SPTBN1: variants seen among roughly 807,000 people sequenced by gnomAD.
SPTBN1 encodes spectrin beta chain, non-erythrocytic 1.
Under a neutral mutation model 266.4 loss-of-function variants are expected in SPTBN1, and 32 were observed. The observed-to-expected ratio is 0.12, with a 90% confidence interval of 0.09 to 0.16. SPTBN1 has a LOEUF of 0.16. Among genes scored for constraint, SPTBN1 ranks in the 10% least tolerant of loss-of-function variants. SPTBN1 has a pLI of 1.00. For missense variants in SPTBN1, 2,296 were observed against 3,067.1 expected (o/e 0.75, Z 5.94); for synonymous variants, 1,336 against 1,162.2 (o/e 1.15, Z -3.04).
At chr2:54,630,200 T>C (rs1678640262) in intron 15 of SPTBN1, among the ~76,000 whole-genome samples, 171 bp downstream of exon 15, 1 of 152,208 alleles carries the variant, frequency 6.6e-6, no homozygotes, top group South Asian at 2.1e-4. Context: ...TTGTAAGAAG[T>C]GTCTCTCAGG....
chr2:54,576,303 C>A (rs1445055631), intron 2 of SPTBN1, among the ~76,000 whole-genome samples: 1 of 152,056 alleles, frequency 6.6e-6, no homozygotes, highest in Non-Finnish European at 1.5e-5. Flanking sequence ...ATCCACCCAC[C>A]TCGGCCTCCC....
chr2:54,565,196 G>A (rs922787964), intron 2 of SPTBN1, among the ~76,000 whole-genome samples: 1 of 152,184 alleles, frequency 6.6e-6, no homozygotes, highest in African/African-American at 2.4e-5. Flanking sequence ...GTCCCTTATT[G>A]GATCATTTGT....
intron 1 of SPTBN1, among the ~76,000 whole-genome samples, chr2:54,461,206 A>G (rs754411475): frequency 2.0e-4 from 30 of 152,178 alleles, no homozygotes; most frequent in Non-Finnish European, 4.3e-4. Flanking sequence ...TATCAACAAA[A>G]TTATACTTTA....
intron 18 of SPTBN1, among the ~76,000 whole-genome samples, chr2:54,642,241 C>A (rs984295676): frequency 6.6e-6 from 1 of 152,222 alleles, no homozygotes; most frequent in African/African-American, 2.4e-5. Context: ...TAAGAGAGCT[C>A]CTTTCTCAGG....
intron 32 of SPTBN1, chr2:54,661,061 G>A (rs1283636202): frequency 2.0e-6 from 2 of 985,446 alleles, no homozygotes; most frequent in African/African-American, 3.5e-5. Flanking sequence ...CCTGGCTTCA[G>A]AAGTCATGTC....
At chr2:54,648,950 A>T in intron 24 of SPTBN1, 36 bp from the exon 25 acceptor site, 2 of 1,524,224 alleles carry the variant, frequency 1.3e-6, no homozygotes, top group Non-Finnish European at 1.8e-6. Context: ...GACATTTAAG[A>T]TCCTTTTTCT....
chr2:54,468,075 G>A (rs912188661), intron 1 of SPTBN1, among the ~76,000 whole-genome samples: 1 of 152,186 alleles, frequency 6.6e-6, no homozygotes, highest in African/African-American at 2.4e-5. Context: ...TTGGGAGGCC[G>A]AGGCGGGCAG....
chr2:54,664,356 G>A lies in SPTBN1; in HGVS notation c.6421-97G>A. On this transcript the variant is annotated intron_variant, in intron 32 of 35. Coordinates refer to ENST00000356805, the MANE Select transcript of SPTBN1 (RefSeq NM_003128.3). This position sits in a 1 kb window ranked among gnomAD's most constrained non-coding sequence, Gnocchi z 5.6. ...ACTGTACTGCCTCGATCTGTGCCAG[G>A]CATTTATACACAGCCACATGTGCGA... 3 of 1,244,302 alleles carry A rather than the reference G, an allele frequency of 2.4e-6. No individual in the cohort carries two copies. The highest frequency in any genetic ancestry group is 2.3e-5 in the East Asian group (1 of 42,648). 77.1% of individuals were successfully genotyped at this position (1,244,302 alleles called of 1,614,324 possible).
intron 2 of SPTBN1, among the ~76,000 whole-genome samples, chr2:54,538,810 A>G (rs190681027): frequency 2.2e-4 from 34 of 152,346 alleles, no homozygotes; most frequent in African/African-American, 7.7e-4. Flanking sequence ...TCGCCTTATT[A>G]GTCACAAGAT....
chr2:54,668,329 C>T, intron 35 of SPTBN1, 22 bp from the exon 36 acceptor site: 1 of 1,612,016 alleles, frequency 6.2e-7, no homozygotes. Context: ...TGAGTCTCAC[C>T]TGTGTCCCTT....
At chr2:54,599,349 T>C in intron 3 of SPTBN1, 106 bp downstream of exon 3, 11 of 1,362,674 alleles carry the variant, frequency 8.1e-6, no homozygotes, top group Non-Finnish European at 1.1e-5. Flanking sequence ...TGGTTGATAG[T>C]TTTGAGGAGA....
At chr2:54,607,068 CTT>C (rs1676890381) in intron 3 of SPTBN1, among the ~76,000 whole-genome samples, 1 of 152,230 alleles carries the variant, frequency 6.6e-6, no homozygotes, top group Non-Finnish European at 1.5e-5. Context: ...AAATCCACCT[CTT>C]TCTTTTTTTG....
At chr2:54,615,985 C>T (rs1447010860) in intron 4 of SPTBN1, among the ~76,000 whole-genome samples, 1 of 152,188 alleles carries the variant, frequency 6.6e-6, no homozygotes, top group Non-Finnish European at 1.5e-5. Context: ...GCTGGGAAGT[C>T]CCGTCAGCCT....
intron 1 of SPTBN1, among the ~76,000 whole-genome samples, chr2:54,495,437 C>T (rs1046075385): frequency 1.6e-4 from 24 of 152,120 alleles, no homozygotes; most frequent in African/African-American, 5.1e-4. Flanking sequence ...GACAGTTCTG[C>T]GTTGTCCAGG....
At chr2:54,590,630 C>A (rs1675611835) in intron 2 of SPTBN1, among the ~76,000 whole-genome samples, 1 of 152,110 alleles carries the variant, frequency 6.6e-6, no homozygotes, top group Non-Finnish European at 1.5e-5. Flanking sequence ...TTGGCTGGAT[C>A]TTAAAGGAAG....
At chr2:54,611,616 C>T (rs918899635) in intron 3 of SPTBN1, among the ~76,000 whole-genome samples, 2 of 152,000 alleles carry the variant, frequency 1.3e-5, no homozygotes, top group Non-Finnish European at 2.9e-5. Flanking sequence ...TCCCTTTTCC[C>T]CTTCTTTTCA....
At chr2:54,527,356 A>G (rs1000824143) in intron 2 of SPTBN1, 2 of 152,240 alleles carry the variant, frequency 1.3e-5, no homozygotes, top group African/African-American at 4.8e-5. Flanking sequence ...TAATTGTGAC[A>G]AGTAAATCAA....
intron 2 of SPTBN1, among the ~76,000 whole-genome samples, chr2:54,548,301 T>C (rs781025737): frequency 2.0e-5 from 3 of 152,186 alleles, no homozygotes; most frequent in Non-Finnish European, 4.4e-5. Context: ...CAACAAAGTT[T>C]GCTGAGGCCA....
chr2:54,588,648 C>T (rs1170837549), intron 2 of SPTBN1, among the ~76,000 whole-genome samples: 1 of 152,176 alleles, frequency 6.6e-6, no homozygotes, highest in Admixed American at 6.5e-5. Flanking sequence ...TGCAGCATCA[C>T]TAGTGCACAC....
Sources: allele counts gnomAD v4.1 joint callset (sites outside exome capture counted in the v4.1 genomes callset), GRCh38; gene constraint gnomAD v4.1.1; non-coding constraint Gnocchi (gnomAD v3.1); transcripts MANE v1.5; gene names NCBI Gene and HGNC (gene_info 2026-07-23, HGNC 2026-07-21).